The following DCLK1 variants were observed in gnomAD, a reference collection of about 807,000 sequenced individuals.
DCLK1 encodes doublecortin like kinase 1, also known as serine/threonine-protein kinase DCLK1.
Under a neutral mutation model 86.2 loss-of-function variants are expected in DCLK1, and 16 were observed. The ratio of observed to expected loss-of-function variants is 0.19; its 90% CI spans 0.13 to 0.28. The LOEUF (loss-of-function observed/expected upper bound fraction) is 0.28, where lower values mean the gene tolerates loss of function less well. Ranked by LOEUF, DCLK1 falls within the 10% of genes least tolerant of loss-of-function variation. The probability of loss-of-function intolerance (pLI) is 1.00; values close to 1 mark genes in which losing one functional copy is unlikely to be tolerated. For missense variants in DCLK1, 590 were observed against 940.2 expected (o/e 0.63, Z 4.87); for synonymous variants, 369 against 370.5 (o/e 1.00, Z 0.05).
chr13:35,800,880 C>T (rs1202799160), intron 15 of DCLK1, among the ~76,000 whole-genome samples: 1 of 101,010 alleles, frequency 9.9e-6, no homozygotes, highest in Non-Finnish European at 1.9e-5. Flanking sequence ...CCATGCTGGG[C>T]TAATTTTTTT....
chr13:35,909,597 ATG>A lies in DCLK1; in HGVS notation c.823+37759_823+37760del, dbSNP rs57044533. ...TCTGGTTATTAATTGCTGTGTGCAT[ATG>A]TGTGTGTGTGTGTGTGTGTGTGTGT... On this transcript the variant is annotated intron_variant, in intron 4 of 16. Coordinates refer to ENST00000360631, the MANE Select transcript of DCLK1 (RefSeq NM_001330071.2). Among the ~76,000 whole-genome samples, 345 of 146,222 alleles carry A rather than the reference ATG, an allele frequency of 2.4e-3. 1 individual carries two copies. Among genetic ancestry groups the A allele is most frequent in the African/African-American group, 7.7e-3 (301 of 39,226 alleles).
intron 3 of DCLK1, among the ~76,000 whole-genome samples, chr13:36,021,983 A>G (rs952065260): frequency 3.3e-5 from 5 of 152,094 alleles, no homozygotes; most frequent in Non-Finnish European, 7.4e-5. Flanking sequence ...ATTCTCCAGG[A>G]TAAACCATGT....
chr13:36,035,160 C>T (rs184977087), intron 3 of DCLK1, among the ~76,000 whole-genome samples: 15 of 152,220 alleles, frequency 9.9e-5, no homozygotes, highest in Admixed American at 9.2e-4. Flanking sequence ...TCTCCCTCTG[C>T]GAATCAGCTA....
At chr13:35,850,412 T>C (rs781148476) in intron 6 of DCLK1, 26 of 1,050,304 alleles carry the variant, frequency 2.5e-5, no homozygotes, top group Non-Finnish European at 2.7e-5. Flanking sequence ...GGTTAGTGTG[T>C]TCTTGTACTC....
rs755765598 is a variant in DCLK1 at position 35,854,464 on chromosome 13, C to T, written c.1035+35G>A. 10 of 1,539,118 alleles carry T rather than the reference C, an allele frequency of 6.5e-6. No homozygotes were observed. The Admixed American group carries it at 1.1e-4, about 18-fold the overall frequency. ...GTACCTGTCTGCACCAAGGCTGAGACAGGTCTGAAACAAGCAGCTTGCTTA... is the reference window on the plus strand; with the variant it reads ...GTACCTGTCTGCACCAAGGCTGAGATAGGTCTGAAACAAGCAGCTTGCTTA... On this transcript the variant is annotated intron_variant, in intron 6 of 16. Transcript: ENST00000360631.
At chr13:36,056,018 G>A (rs1176520226) in intron 3 of DCLK1, among the ~76,000 whole-genome samples, 3 of 150,306 alleles carry the variant, frequency 2.0e-5, no homozygotes, top group East Asian at 3.9e-4. Flanking sequence ...ACTGTTGGTG[G>A]GACTGTAAAC....
At chr13:35,839,250 C>T (rs1228947554) in intron 6 of DCLK1, 74 bp from the exon 7 acceptor site, 17 of 1,342,090 alleles carry the variant, frequency 1.3e-5, no homozygotes, top group South Asian at 3.9e-5. Context: ...ATGCCCAGCC[C>T]GGAATCTCAG....
chr13:36,055,253 G>A (rs1335174101), intron 3 of DCLK1, among the ~76,000 whole-genome samples: 3 of 152,130 alleles, frequency 2.0e-5, no homozygotes, highest in Non-Finnish European at 4.4e-5. Flanking sequence ...CAACCTGGAC[G>A]CATTAGTAGA....
chr13:36,047,919 C>T (rs1236596274), intron 3 of DCLK1, among the ~76,000 whole-genome samples: 1 of 152,146 alleles, frequency 6.6e-6, no homozygotes, highest in Non-Finnish European at 1.5e-5. Context: ...GATCGCACCA[C>T]TGAACTCCAG....
At chr13:35,828,176 G>A in intron 9 of DCLK1, 74 bp downstream of exon 9, 2 of 1,257,272 alleles carry the variant, frequency 1.6e-6, no homozygotes, top group Non-Finnish European at 2.3e-6. Context: ...ACTTGTATTT[G>A]TTTGGGAGTG....
chr13:35,979,030 T>G (rs1482951811), intron 3 of DCLK1, among the ~76,000 whole-genome samples: 2 of 152,198 alleles, frequency 1.3e-5, no homozygotes, highest in Non-Finnish European at 2.9e-5. Flanking sequence ...TAGTTGTCTT[T>G]ATTTTTAAAA....
intron 16 of DCLK1, chr13:35,788,408 G>C: frequency 1.2e-6 from 1 of 845,296 alleles, no homozygotes; most frequent in Non-Finnish European, 1.9e-6. Context: ...CTTCTGCAGG[G>C]TAACTAGCTA....
Position 35,771,392 on chromosome 13 carries a change from C to A in DCLK1, c.*3143G>T, listed in dbSNP as rs550426189. 6.6e-6 allele frequency: 1 copy of A among 152,108 alleles called. No individual in the cohort carries two copies. The highest frequency in any genetic ancestry group is 2.1e-4 in the South Asian group (1 of 4,822). The allele number at this position is 152,108 out of a possible 1,614,324, so 9.4% of individuals were successfully genotyped here. On this transcript the variant is annotated 3_prime_UTR_variant, in exon 17 of 17. Transcript: ENST00000360631. ...TTTTCTCTGCTTATTTTAATATGCA[C>A]CACGTGTAAGTTAGATGAGGGCTAC...
chr13:35,811,087 CA>C, intron 11 of DCLK1, 119 bp from the exon 12 acceptor site: 1 of 1,267,536 alleles, frequency 7.9e-7, no homozygotes. Flanking sequence ...ATAAATTAGG[CA>C]ATTATGCAAG....
intron 3 of DCLK1, among the ~76,000 whole-genome samples, chr13:36,001,948 T>C (rs1272482683): frequency 6.6e-6 from 1 of 152,196 alleles, no homozygotes; most frequent in Non-Finnish European, 1.5e-5. Context: ...TGTTGCCTTT[T>C]TGTTGTTGTA....
chr13:35,897,010 AGG>A (rs1247958283), intron 4 of DCLK1, among the ~76,000 whole-genome samples: 2 of 152,160 alleles, frequency 1.3e-5, no homozygotes, highest in African/African-American at 4.8e-5. Context: ...AGCATGGTCC[AGG>A]GCAGGAGAGG....
At chr13:36,070,670 C>T (rs148705228) in intron 3 of DCLK1, among the ~76,000 whole-genome samples, 2,295 of 150,818 alleles carry the variant, frequency 0.015, 21 homozygotes, top group Non-Finnish European at 0.026. Flanking sequence ...GATGGAGTGT[C>T]GCTCTTTGTT....
chr13:35,956,769 G>A (rs1474375264), intron 3 of DCLK1, among the ~76,000 whole-genome samples: 1 of 41,484 alleles, frequency 2.4e-5, no homozygotes, highest in Admixed American at 2.7e-4. Flanking sequence ...TAAATGCCCT[G>A]TCCAAAGCAA....
intron 4 of DCLK1, among the ~76,000 whole-genome samples, chr13:35,903,453 G>A (rs1330909337): frequency 2.0e-5 from 3 of 151,846 alleles, no homozygotes; most frequent in Non-Finnish European, 4.4e-5. Flanking sequence ...TTTACCTTTA[G>A]CTTGTTTCTT....
Sources: allele counts gnomAD v4.1 joint callset (sites outside exome capture counted in the v4.1 genomes callset), GRCh38; gene constraint gnomAD v4.1.1; transcripts MANE v1.5; gene names NCBI Gene and HGNC (gene_info 2026-07-23, HGNC 2026-07-21).